Variants in PTPRN2 observed in about 807,000 individuals in gnomAD.
PTPRN2 encodes receptor-type tyrosine-protein phosphatase N2.
A neutral mutation model predicts 118.8 loss-of-function variants in PTPRN2; 74 were observed. The observed-to-expected ratio is 0.62, with a 90% confidence interval of 0.52 to 0.76. The LOEUF (loss-of-function observed/expected upper bound fraction) is 0.76, where lower values mean the gene tolerates loss of function less well. Ranked by LOEUF, PTPRN2 falls within the 30% of genes least tolerant of loss-of-function variation. The pLI is 0.00. For synonymous variants in PTPRN2, 641 were observed against 608.0 expected (o/e 1.05, Z -0.80); for missense variants, 1,481 against 1,394.4 (o/e 1.06, Z -0.99).
At chr7:158,154,359 A>G (rs1821503290) in intron 6 of PTPRN2, among the ~76,000 whole-genome samples, 1 of 152,204 alleles carries the variant, frequency 6.6e-6, no homozygotes, top group Admixed American at 6.5e-5. Flanking sequence ...TGCTGAGAAA[A>G]TGAAATATAG....
intron 2 of PTPRN2, among the ~76,000 whole-genome samples, chr7:158,334,527 T>A (rs1358661200): frequency 9.4e-6 from 1 of 106,052 alleles, no homozygotes; most frequent in African/African-American, 3.3e-5. Flanking sequence ...AGGTGACACC[T>A]GCAGACGTCA....
At chr7:158,181,702 A>G (rs1563568547) in intron 5 of PTPRN2, among the ~76,000 whole-genome samples, 2 of 152,028 alleles carry the variant, frequency 1.3e-5, no homozygotes, top group African/African-American at 4.8e-5. Flanking sequence ...TCGTGTATTC[A>G]TTTCTTCTAG....
At chr7:157,579,718 C>T (rs987374037) in intron 17 of PTPRN2, among the ~76,000 whole-genome samples, 1 of 152,160 alleles carries the variant, frequency 6.6e-6, no homozygotes. Context: ...AAGATTAAAT[C>T]CAAATGAAAC....
intron 21 of PTPRN2, among the ~76,000 whole-genome samples, chr7:157,559,034 C>T (rs559022698): frequency 1.3e-5 from 2 of 152,350 alleles, no homozygotes; most frequent in South Asian, 4.1e-4. Flanking sequence ...TGCACGGGAT[C>T]GCTGCCCTTC....
intron 13 of PTPRN2, among the ~76,000 whole-genome samples, chr7:157,677,781 G>A (rs1268593261): frequency 1.3e-5 from 2 of 152,182 alleles, no homozygotes; most frequent in Admixed American, 1.3e-4. Context: ...GTTTCCTTCC[G>A]ATTTCCTTCA....
intron 2 of PTPRN2, among the ~76,000 whole-genome samples, chr7:158,390,874 G>C (rs1811874655): frequency 6.6e-6 from 1 of 152,178 alleles, no homozygotes; most frequent in African/African-American, 2.4e-5. Flanking sequence ...TGGAGGGGCA[G>C]GAAGGGCAGA....
chr7:158,289,001 C>G lies in PTPRN2; in HGVS notation c.277+27818G>C, dbSNP rs575315535. Reference sequence around the variant, plus strand: ...AGCACCTTGAATATATCATTCTACTCTCTCTTGCCTATAGGGTTTCTGCTG... The same window carrying G: ...AGCACCTTGAATATATCATTCTACTGTCTCTTGCCTATAGGGTTTCTGCTG... On this transcript the variant is annotated intron_variant, in intron 3 of 22. Coordinates refer to ENST00000389418, the MANE Select transcript of PTPRN2 (RefSeq NM_002847.5). 2.0e-5 allele frequency among the ~76,000 whole-genome samples: 3 copies of G among 152,292 alleles called. No homozygotes were observed. In the South Asian group the frequency reaches 6.2e-4, roughly 32 times the overall value.
intron 2 of PTPRN2, among the ~76,000 whole-genome samples, chr7:158,334,545 CCA>C (rs1225671663): frequency 2.7e-5 from 3 of 109,324 alleles, no homozygotes; most frequent in Admixed American, 9.0e-5. Context: ...TCACTCACAC[CCA>C]CACTCTCACC....
intron 11 of PTPRN2, among the ~76,000 whole-genome samples, chr7:157,976,577 C>T (rs1056733027): frequency 6.6e-5 from 10 of 151,698 alleles, no homozygotes; most frequent in Non-Finnish European, 1.0e-4. Flanking sequence ...GGGATAGTCA[C>T]GCATGTGCCT....
intron 12 of PTPRN2, among the ~76,000 whole-genome samples, chr7:157,894,097 C>T (rs1462925109): frequency 6.6e-6 from 1 of 152,162 alleles, no homozygotes; most frequent in African/African-American, 2.4e-5. Flanking sequence ...ATATAAATAC[C>T]TAGGAATGAA....
At chr7:158,038,731 A>C (rs1382797739) in intron 11 of PTPRN2, among the ~76,000 whole-genome samples, 3 of 146,756 alleles carry the variant, frequency 2.0e-5, no homozygotes, top group African/African-American at 7.4e-5. Flanking sequence ...TGTAGTATTT[A>C]TATTAGATAA....
rs1158162215 is a variant in PTPRN2 at position 157,603,154 on chromosome 7, A to G, written c.2418+848T>C. On this transcript the variant is annotated intron_variant, in intron 16 of 22. Transcript: ENST00000389418. The surrounding 1 kb of genome is among the most constrained non-coding windows in gnomAD (Gnocchi z 5.4). The stretch of plus-strand genomic sequence containing the variant: ...GACAGTGTCCCATCCCGCCCCCGCC[A>G]CCTGCCACCATCACTGCTCATCTGA... Among the ~76,000 whole-genome samples the G allele has an allele frequency of 8.0e-6, 1 of 125,194 alleles. No homozygotes were observed. Among genetic ancestry groups the G allele is most frequent in the Non-Finnish European group, 1.7e-5 (1 of 59,890 alleles). The allele number at this position is 125,194 out of a possible 152,430, so 82.1% of individuals were successfully genotyped here.
chr7:158,104,436 G>A (rs932692224), intron 10 of PTPRN2, among the ~76,000 whole-genome samples: 1 of 152,154 alleles, frequency 6.6e-6, no homozygotes, highest in African/African-American at 2.4e-5. Context: ...TGAGGAAATA[G>A]TAAGACACCA....
intron 11 of PTPRN2, among the ~76,000 whole-genome samples, chr7:157,901,225 G>A (rs955507422): frequency 3.3e-5 from 5 of 152,198 alleles, no homozygotes; most frequent in African/African-American, 7.2e-5. Context: ...ATTCACGAGG[G>A]ATCTGCCCCG....
chr7:158,025,543 C>A (rs1292499070), intron 11 of PTPRN2, among the ~76,000 whole-genome samples: 1 of 152,228 alleles, frequency 6.6e-6, no homozygotes, highest in Non-Finnish European at 1.5e-5. Context: ...CAAGGCCTAA[C>A]TCCACACAGA....
chr7:157,541,376 C>T (rs1047272331), intron 22 of PTPRN2, among the ~76,000 whole-genome samples: 1 of 152,246 alleles, frequency 6.6e-6, no homozygotes, highest in African/African-American at 2.4e-5. Context: ...GCATGCGCGT[C>T]CACAGCCACT....
intron 3 of PTPRN2, among the ~76,000 whole-genome samples, chr7:158,223,340 C>T (rs923501978): frequency 2.0e-5 from 3 of 151,984 alleles, no homozygotes; most frequent in African/African-American, 7.2e-5. Context: ...TAATATTAAC[C>T]CGATACCAAA....
At chr7:158,082,813 C>A (rs915919995) in intron 10 of PTPRN2, among the ~76,000 whole-genome samples, 1 of 152,200 alleles carries the variant, frequency 6.6e-6, no homozygotes, top group East Asian at 1.9e-4. Context: ...TGACTTCCTG[C>A]GTCCAGCTCT....
chr7:158,054,406 G>A (rs1481132360), intron 11 of PTPRN2, among the ~76,000 whole-genome samples: 1 of 152,226 alleles, frequency 6.6e-6, no homozygotes, highest in Non-Finnish European at 1.5e-5. Context: ...CAAAAAGACT[G>A]CTGTGTGGGA....
Sources: gnomAD v4.1 joint callset for allele counts (sites outside exome capture counted in the v4.1 genomes callset) on GRCh38, gnomAD v4.1.1 for gene constraint, Gnocchi (gnomAD v3.1) non-coding constraint, MANE v1.5 for transcripts, NCBI Gene and HGNC (gene_info 2026-07-23, HGNC 2026-07-21) for gene names.